The following TMBIM6 variants were observed in gnomAD, a reference collection of about 807,000 sequenced individuals.
TMBIM6 encodes the protein bax inhibitor 1.
TMBIM6 carries 13 observed loss-of-function variants against 31.4 expected under a neutral mutation model. That is an observed-to-expected ratio of 0.41 (90% CI 0.27 to 0.66). The LOEUF is 0.66. Ranked by LOEUF, TMBIM6 falls within the 30% of genes least tolerant of loss-of-function variation. TMBIM6 has a pLI of 0.28. For missense variants in TMBIM6, 275 were observed against 289.5 expected (o/e 0.95, Z 0.36); for synonymous variants, 85 against 101.7 (o/e 0.84, Z 0.99).
chr12:49,755,831 T>G, intron 4 of TMBIM6, 76 bp downstream of exon 4: 1 of 1,494,404 alleles, frequency 6.7e-7, no homozygotes, highest in Non-Finnish European at 9.0e-7. Context: ...CCCCCCCTTT[T>G]TTTTTCTTTT....
chr12:49,758,068 T>G, intron 4 of TMBIM6, 159 bp from the exon 5 acceptor site: 1 of 796,658 alleles, frequency 1.3e-6, no homozygotes, highest in Non-Finnish European at 2.0e-6. Flanking sequence ...AGGTATACAT[T>G]TTATTGAAAA....
intron 3 of TMBIM6, among the ~76,000 whole-genome samples, 187 bp from the exon 4 acceptor site, chr12:49,755,448 G>A (rs1945571245): frequency 6.6e-6 from 1 of 152,192 alleles, no homozygotes; most frequent in Non-Finnish European, 1.5e-5. Flanking sequence ...TCCTAACTCT[G>A]TGCTTCAAGG....
intron 1 of TMBIM6, among the ~76,000 whole-genome samples, chr12:49,748,612 C>T (rs1320480654): frequency 1.3e-5 from 2 of 152,164 alleles, no homozygotes; most frequent in Non-Finnish European, 2.9e-5. Flanking sequence ...GGGATGAAGG[C>T]ATAACAGGAG....
Position 49,758,355 on chromosome 12 carries a change from T to C in TMBIM6, c.336-28T>C, listed in dbSNP as rs968784254. The C allele has an allele frequency of 3.1e-6, 5 of 1,613,836 alleles. No individual in the cohort carries two copies. The Admixed American group carries it at 5.0e-5, about 16-fold the overall frequency. On this transcript the variant is annotated intron_variant, in intron 5 of 9. Transcript: ENST00000267115. ...AATGTAGACCGTATACCTGTAGCCC[T>C]TAATCTAATGGTCTTTTTTTCTAAC...
At chr12:49,741,809 A>C in intron 1 of TMBIM6, 198 bp downstream of exon 1, 1 of 340,952 alleles carries the variant, frequency 2.9e-6, no homozygotes, top group Non-Finnish European at 5.5e-6. Context: ...CGCGTGCGCA[A>C]CAGTGCTGAA....
rs1273896591 is a variant in TMBIM6 at position 49,754,053 on chromosome 12, A to G, written c.165+972A>G. Among the ~76,000 whole-genome samples, 3 of 152,276 alleles carry G rather than the reference A, an allele frequency of 2.0e-5. No individual in the cohort carries two copies. In the East Asian group the frequency reaches 5.8e-4, roughly 29 times the overall value. On this transcript the variant is annotated intron_variant, in intron 3 of 9. Transcript: ENST00000267115. ...GTTTTCAGCTGAGGTTGAACAAGACAGTGCTCTGCCTTCTTGTTTCAGTTC... is the reference window on the plus strand; with the variant it reads ...GTTTTCAGCTGAGGTTGAACAAGACGGTGCTCTGCCTTCTTGTTTCAGTTC...
chr12:49,753,621 A>T (rs935782747), intron 3 of TMBIM6, among the ~76,000 whole-genome samples: 1 of 152,016 alleles, frequency 6.6e-6, no homozygotes, highest in Admixed American at 6.6e-5. Flanking sequence ...AAGTTTGAAG[A>T]CTCCCTAACA....
rs1945646321 is a variant in TMBIM6 at position 49,758,376 on chromosome 12, C to G, written c.336-7C>G. 6.2e-7 allele frequency: 1 copy of G among 1,613,826 alleles called. No homozygotes were observed. The highest frequency in any genetic ancestry group is 1.7e-5 in the Admixed American group (1 of 59,974). ...GCCCTTAATCTAATGGTCTTTTTTT[C>G]TAACAGCATCCTTCCCACTGCTTTC... On this transcript the variant is annotated splice_region_variant and splice_polypyrimidine_tract_variant and intron_variant, in intron 5 of 9. Transcript: ENST00000267115.
At chr12:49,744,194 T>G (rs1945349595) in intron 1 of TMBIM6, among the ~76,000 whole-genome samples, 2 of 152,182 alleles carry the variant, frequency 1.3e-5, no homozygotes, top group East Asian at 3.9e-4. Flanking sequence ...AAGTTATAAA[T>G]TTTATATAAA....
At chr12:49,755,814 T>C in intron 4 of TMBIM6, 59 bp downstream of exon 4, 1 of 1,555,288 alleles carries the variant, frequency 6.4e-7, no homozygotes, top group Non-Finnish European at 8.7e-7. Flanking sequence ...TATCTCTTAA[T>C]TAGTTCCCCC....
intron 1 of TMBIM6, among the ~76,000 whole-genome samples, chr12:49,748,412 C>CT (rs1316701118): frequency 6.6e-6 from 1 of 152,214 alleles, no homozygotes; most frequent in Non-Finnish European, 1.5e-5. Context: ...ACAGGAATAT[C>CT]TAACTCAAAC....
chr12:49,746,152 G>A (rs961583477), intron 1 of TMBIM6, among the ~76,000 whole-genome samples: 2 of 150,164 alleles, frequency 1.3e-5, no homozygotes. Context: ...GTGCAATCTC[G>A]GCTCACTGCA....
chr12:49,741,843 C>T (rs1431914119), intron 1 of TMBIM6: 2 of 415,092 alleles, frequency 4.8e-6, no homozygotes, highest in Non-Finnish European at 8.7e-6. Flanking sequence ...GGAGGCGAGT[C>T]TGCGGGGGTT....
intron 1 of TMBIM6, among the ~76,000 whole-genome samples, chr12:49,749,435 A>ATTTTTGTTT (rs1555228465): frequency 0.037 from 5,056 of 136,432 alleles, 193 homozygotes; most frequent in Middle Eastern, 0.093. Context: ...TTTGTAAGTC[A>ATTTTTGTTT]TTTTTGTTTT....
chr12:49,742,787 T>G (rs1565915038), intron 1 of TMBIM6, among the ~76,000 whole-genome samples: 1 of 152,184 alleles, frequency 6.6e-6, no homozygotes, highest in Non-Finnish European at 1.5e-5. Context: ...CTCTTTGGTG[T>G]TTTCTTATTC....
At chr12:49,755,537 G>A in intron 3 of TMBIM6, 98 bp from the exon 4 acceptor site, 1 of 1,457,534 alleles carries the variant, frequency 6.9e-7, no homozygotes, top group East Asian at 2.3e-5. Context: ...GCAAATGTTA[G>A]GAAGTTCAGA....
chr12:49,761,653 G>A lies in TMBIM6; in HGVS notation c.615-51G>A, dbSNP rs145698188. ...TTATATTCTGCATCTTTGTGGGCTTGTGGATAAAAAAGTCTGAAGTACAGA... is the reference window on the plus strand; with the variant it reads ...TTATATTCTGCATCTTTGTGGGCTTATGGATAAAAAAGTCTGAAGTACAGA... On this transcript the variant is annotated intron_variant, in intron 8 of 9. Transcript: ENST00000267115. 9,218 of 1,575,766 alleles carry A rather than the reference G, an allele frequency of 5.8e-3. 40 individuals are homozygous for A. The highest frequency in any genetic ancestry group is 6.7e-3 in the Non-Finnish European group (7,735 of 1,147,516).
intron 4 of TMBIM6, 133 bp downstream of exon 4, chr12:49,755,888 C>CA (rs1390649088): frequency 4.8e-6 from 5 of 1,051,498 alleles, no homozygotes; most frequent in Non-Finnish European, 4.0e-6. Flanking sequence ...GGCCAGAGTG[C>CA]AGTGGCTTGA....
intron 1 of TMBIM6, among the ~76,000 whole-genome samples, chr12:49,750,071 C>T (rs946400698): frequency 6.6e-6 from 1 of 152,194 alleles, no homozygotes. Context: ...CGTTTGACAT[C>T]TCATCCCCCT....
Sources: gnomAD v4.1 joint callset for allele counts (sites outside exome capture counted in the v4.1 genomes callset) on GRCh38, gnomAD v4.1.1 for gene constraint, MANE v1.5 for transcripts, NCBI Gene and HGNC (gene_info 2026-07-23, HGNC 2026-07-21) for gene names.